ARV1: variants seen among roughly 807,000 people sequenced by gnomAD.
The protein encoded by ARV1 is ARV1 fatty acid homeostasis modulator.
A neutral mutation model predicts 31.1 loss-of-function variants in ARV1; 26 were observed. The observed-to-expected ratio is 0.84, with a 90% CI of 0.61 to 1.16. The LOEUF (loss-of-function observed/expected upper bound fraction) is 1.16. Among genes scored for constraint, ARV1 ranks in the 50% most tolerant of loss-of-function variants. The probability of loss-of-function intolerance (pLI) is 0.00; values close to 1 mark genes in which losing one functional copy is unlikely to be tolerated. For synonymous variants in ARV1, 117 were observed against 123.2 expected, an observed-to-expected ratio of 0.95 and a Z score of 0.34; for missense variants, 281 against 324.9, an observed-to-expected ratio of 0.86 and a Z score of 1.04.
At chr1:230,985,021 A>G (rs1421364763) in intron 1 of ARV1, among the ~76,000 whole-genome samples, 1 of 152,222 alleles carries the variant, frequency 6.6e-6, no homozygotes, top group African/African-American at 2.4e-5. Context: ...TAAGAGGTCA[A>G]TTGGAGTTTG....
At chr1:230,993,491 A>G (rs1186963751) in intron 3 of ARV1, among the ~76,000 whole-genome samples, 1 of 152,258 alleles carries the variant, frequency 6.6e-6, no homozygotes, top group Non-Finnish European at 1.5e-5. Flanking sequence ...GAATTCTTAT[A>G]GCAACTACTC....
At chr1:230,997,558 A>C (rs1051204109) in intron 5 of ARV1, among the ~76,000 whole-genome samples, 1 of 152,086 alleles carries the variant, frequency 6.6e-6, no homozygotes, top group African/African-American at 2.4e-5. Context: ...CTAGGATTGC[A>C]GACTCTAAAA....
At chr1:230,981,913 G>T (rs115842421) in intron 1 of ARV1, among the ~76,000 whole-genome samples, 1 of 152,162 alleles carries the variant, frequency 6.6e-6, no homozygotes, top group Non-Finnish European at 1.5e-5. Context: ...AGGTATCTGC[G>T]TGACTAATTC....
At chr1:230,984,780 A>G (rs1035060330) in intron 1 of ARV1, among the ~76,000 whole-genome samples, 4 of 152,278 alleles carry the variant, frequency 2.6e-5, no homozygotes, top group Admixed American at 2.0e-4. Context: ...CAACGGTACC[A>G]GGTGCAAGGT....
At chr1:230,980,251 C>A (rs181894462) in intron 1 of ARV1, among the ~76,000 whole-genome samples, 1 of 152,132 alleles carries the variant, frequency 6.6e-6, no homozygotes, top group African/African-American at 2.4e-5. Context: ...TGCAGCAGTA[C>A]GTTGCTGGGG....
At chr1:230,984,363 C>CGTGCGTGTGT (rs1678997025) in intron 1 of ARV1, among the ~76,000 whole-genome samples, 13 of 129,762 alleles carry the variant, frequency 1.0e-4, no homozygotes, top group Non-Finnish European at 1.6e-4. Flanking sequence ...TGTGTGTGTG[C>CGTGCGTGTGT]GTGTGTGTGT....
intron 1 of ARV1, among the ~76,000 whole-genome samples, chr1:230,983,451 G>A (rs11122179): frequency 0.33 from 49,307 of 150,748 alleles, 8,355 homozygotes; most frequent in Middle Eastern, 0.57. Context: ...TTGCTATAGG[G>A]CTTGGCTTAT....
chr1:230,984,359 T>TGC (rs759344364), intron 1 of ARV1, among the ~76,000 whole-genome samples: 52 of 93,446 alleles, frequency 5.6e-4, no homozygotes, highest in African/African-American at 2.5e-3. Context: ...TGTGTGTGTG[T>TGC]GTGCGTGTGT....
At position 230,997,073 on chromosome 1, in the gene ARV1, A is replaced by G. The variant is rs373003003; in HGVS notation, c.674-48A>G. ...ATACTACCCGAAAATTTACATGTCA[A>G]TATCGTTTCATTAATTCTGAACTTA... On this transcript the variant is annotated intron_variant, in intron 4 of 5. Coordinates refer to ENST00000310256, the MANE Select transcript of ARV1 (RefSeq NM_022786.3). 3.1e-6 allele frequency: 5 copies of G among 1,592,186 alleles called. No homozygotes were observed. In the African/African-American group the frequency reaches 5.4e-5, roughly 17 times the overall value.
In ARV1 at chr1:230,979,151, G is replaced by T; in HGVS notation, c.46G>T (p.Val16Leu). The stretch of plus-strand genomic sequence containing the variant: ...CGGCCTGCAGCAGGGGAAGGGGAAC[G>T]TGGATGGGGTGGCAGCGACTCCTAC... ...RSGLQQGKGN[V>L]DGVAATPTAA... Residue 16 changes from valine (V) to leucine (L), a missense_variant, in exon 1 of 6, where the codon GTG (valine) becomes TTG (leucine). Coordinates refer to ENST00000310256, the MANE Select transcript of ARV1 (RefSeq NM_022786.3). 1.9e-6 allele frequency: 3 copies of T among 1,612,450 alleles called. No homozygotes were observed. The highest frequency in any genetic ancestry group is 1.7e-4 in the Middle Eastern group (1 of 5,918).
At position 230,991,779 on chromosome 1, in the gene ARV1, G is replaced by A. The variant is rs755960730; in HGVS notation, c.448+1516G>A. Among the ~76,000 whole-genome samples, 115 of 151,992 alleles carry A rather than the reference G, an allele frequency of 7.6e-4. 1 individual carries two copies. The highest frequency in any genetic ancestry group is 2.2e-4 in the Non-Finnish European group (15 of 67,970). On this transcript the variant is annotated intron_variant, in intron 3 of 5. Coordinates refer to ENST00000310256, the MANE Select transcript of ARV1 (RefSeq NM_022786.3). ...CCCGAGTAGCTGGGATTACAGGCACGTGCCACCATGCTTAGCTAATTTTTG... is the reference window on the plus strand; with the variant it reads ...CCCGAGTAGCTGGGATTACAGGCACATGCCACCATGCTTAGCTAATTTTTG...
chr1:230,990,003 G>GA (rs1286619844), intron 2 of ARV1, 107 bp from the exon 3 acceptor site: 41 of 1,200,722 alleles, frequency 3.4e-5, no homozygotes, highest in Middle Eastern at 4.0e-4. Flanking sequence ...GGGCAGTCCT[G>GA]AATTTGAAAA....
intron 1 of ARV1, among the ~76,000 whole-genome samples, chr1:230,986,133 A>T (rs570706022): frequency 6.6e-6 from 1 of 151,902 alleles, no homozygotes; most frequent in Admixed American, 6.6e-5. Context: ...CATGTTAGCC[A>T]GGATGGTCTC....
At chr1:230,996,083 T>C (rs1023783619) in intron 4 of ARV1, 99 bp downstream of exon 4, 11 of 918,568 alleles carry the variant, frequency 1.2e-5, no homozygotes, top group East Asian at 2.5e-5. Flanking sequence ...TGTTGAACAC[T>C]GGAATTCTTC....
intron 4 of ARV1, 129 bp from the exon 5 acceptor site, chr1:230,996,992 A>G (rs938968327): frequency 2.5e-5 from 29 of 1,150,432 alleles, no homozygotes; most frequent in African/African-American, 1.5e-5. Context: ...AGGTAACAGC[A>G]TAGATTAATA....
At chr1:230,993,187 C>A (rs953635899) in intron 3 of ARV1, among the ~76,000 whole-genome samples, 2 of 152,216 alleles carry the variant, frequency 1.3e-5, no homozygotes. Flanking sequence ...AGCTCCTGGG[C>A]TCAAGGGATC....
intron 4 of ARV1, among the ~76,000 whole-genome samples, chr1:230,996,415 T>C (rs1161765521): frequency 6.6e-6 from 1 of 152,172 alleles, no homozygotes; most frequent in Non-Finnish European, 1.5e-5. Flanking sequence ...ATTTTTCCCA[T>C]ATATTTTACA....
intron 1 of ARV1, among the ~76,000 whole-genome samples, chr1:230,980,794 A>C (rs1233707076): frequency 6.6e-6 from 1 of 151,426 alleles, no homozygotes; most frequent in African/African-American, 2.4e-5. Flanking sequence ...CACCACCAAC[A>C]AAATACACTT....
At chr1:230,996,578 C>G (rs1427159096) in intron 4 of ARV1, among the ~76,000 whole-genome samples, 1 of 152,106 alleles carries the variant, frequency 6.6e-6, no homozygotes, top group East Asian at 1.9e-4. Flanking sequence ...TCCTGAAAAG[C>G]TGGCCACAGG....
Sources: allele counts gnomAD v4.1 joint callset (sites outside exome capture counted in the v4.1 genomes callset), GRCh38; gene constraint gnomAD v4.1.1; transcripts MANE v1.5; gene names NCBI Gene and HGNC (gene_info 2026-07-23, HGNC 2026-07-21).